The following CERS6 variants were observed in gnomAD, a reference collection of about 807,000 sequenced individuals.
CERS6 encodes LAG1 homolog, ceramide synthase 6.
In CERS6, 26 loss-of-function variants were observed where a neutral mutation model predicts 56.8. The observed-to-expected ratio is 0.46, with a 90% CI of 0.34 to 0.63. The LOEUF (loss-of-function observed/expected upper bound fraction) is 0.63, where lower values mean the gene tolerates loss of function less well. Among genes scored for constraint, CERS6 ranks in the 30% least tolerant of loss-of-function variants. The pLI, the probability that CERS6 is intolerant of heterozygous loss-of-function variation, is 0.01. For synonymous variants in CERS6, 164 were observed against 173.3 expected (o/e 0.95, Z 0.42); for missense variants, 415 against 467.5 (o/e 0.89, Z 1.04).
intron 4 of CERS6, among the ~76,000 whole-genome samples, chr2:168,640,266 G>A (rs568595772): frequency 2.0e-5 from 3 of 152,208 alleles, no homozygotes; most frequent in South Asian, 2.1e-4. Context: ...ACTTAATAAC[G>A]TCTGTTAATC....
intron 7 of CERS6, among the ~76,000 whole-genome samples, chr2:168,716,477 A>G (rs1383679587): frequency 6.6e-6 from 1 of 152,148 alleles, no homozygotes; most frequent in African/African-American, 2.4e-5. Context: ...CCAGAAAAAA[A>G]AATTCAGAAA....
At chr2:168,558,438 G>A (rs950825628) in intron 2 of CERS6, among the ~76,000 whole-genome samples, 3 of 152,092 alleles carry the variant, frequency 2.0e-5, no homozygotes, top group African/African-American at 7.2e-5. Context: ...ATAGTGAAAA[G>A]GAAATATTGC....
At chr2:168,657,847 A>G (rs1415161705) in intron 4 of CERS6, among the ~76,000 whole-genome samples, 1 of 152,166 alleles carries the variant, frequency 6.6e-6, no homozygotes, top group African/African-American at 2.4e-5. Context: ...CAGGCTGAGG[A>G]AGTGGGCTCT....
At chr2:168,554,276 A>G (rs1695636442) in intron 2 of CERS6, among the ~76,000 whole-genome samples, 1 of 152,226 alleles carries the variant, frequency 6.6e-6, no homozygotes, top group African/African-American at 2.4e-5. Context: ...TAATTCATCT[A>G]ATAAAAACTA....
intron 6 of CERS6, among the ~76,000 whole-genome samples, chr2:168,703,853 A>G (rs144202738): frequency 4.6e-5 from 7 of 152,254 alleles, no homozygotes; most frequent in South Asian, 2.1e-4. Flanking sequence ...TCTGAGGTAG[A>G]TATTCCCAAT....
At chr2:168,631,395 A>G (rs561516937) in intron 4 of CERS6, among the ~76,000 whole-genome samples, 18 of 135,580 alleles carry the variant, frequency 1.3e-4, no homozygotes, top group African/African-American at 4.6e-4. Flanking sequence ...TATATATTAT[A>G]TAATATATAT....
chr2:168,689,737 CTAAT>C lies in CERS6; in HGVS notation c.466-1293_466-1290del, dbSNP rs565299602. ...GGGAGCAAAAGGCAAAATCAGGAGC[CTAAT>C]TAAGATCTCGGAAAGAAAATGAATA... On this transcript the variant is annotated intron_variant, in intron 4 of 9. Coordinates refer to ENST00000305747, the MANE Select transcript of CERS6 (RefSeq NM_203463.3). Among the ~76,000 whole-genome samples, 88 of 152,098 alleles carry C rather than the reference CTAAT, an allele frequency of 5.8e-4. 1 individual carries two copies. Among genetic ancestry groups the C allele is most frequent in the African/African-American group, 2.0e-3 (81 of 41,486 alleles).
At chr2:168,558,049 C>T (rs1358371149) in intron 2 of CERS6, among the ~76,000 whole-genome samples, 4 of 152,068 alleles carry the variant, frequency 2.6e-5, no homozygotes, top group Non-Finnish European at 1.5e-5. Context: ...ATGCTTCTCT[C>T]ATAAAAAGGA....
chr2:168,555,722 C>CTGTGTGTGTGTGTGTGTGTGTGTGTGTG (rs58781728), intron 2 of CERS6, among the ~76,000 whole-genome samples: 1 of 140,920 alleles, frequency 7.1e-6, no homozygotes, highest in Non-Finnish European at 1.5e-5. Flanking sequence ...ATAATTGACT[C>CTGTGTGTGTGTGTGTGTGTGTGTGTGTG]TGTGTGTGTG....
At chr2:168,674,015 A>G (rs1394989090) in intron 4 of CERS6, among the ~76,000 whole-genome samples, 2 of 152,184 alleles carry the variant, frequency 1.3e-5, no homozygotes, top group East Asian at 3.9e-4. Context: ...AGAACTGTTA[A>G]TATGTTTGGA....
At chr2:168,505,402 G>GA (rs1287343732) in intron 1 of CERS6, among the ~76,000 whole-genome samples, 4 of 90,368 alleles carry the variant, frequency 4.4e-5, no homozygotes, top group Non-Finnish European at 4.8e-5. Flanking sequence ...AAAAAAAAAA[G>GA]AAAAAAAAAG....
At chr2:168,522,468 TTTAG>T (rs1432620027) in intron 1 of CERS6, among the ~76,000 whole-genome samples, 3 of 152,230 alleles carry the variant, frequency 2.0e-5, no homozygotes, top group Admixed American at 6.5e-5. Context: ...TAAAAAATAA[TTTAG>T]TTAGTAAGCT....
intron 8 of CERS6, among the ~76,000 whole-genome samples, chr2:168,753,480 G>C (rs1684333038): frequency 6.6e-6 from 1 of 152,158 alleles, no homozygotes; most frequent in African/African-American, 2.4e-5. Context: ...AAGGCTTTTT[G>C]TTGTTGTTTA....
chr2:168,766,822 G>T (rs1398312704), intron 9 of CERS6, among the ~76,000 whole-genome samples: 1 of 152,184 alleles, frequency 6.6e-6, no homozygotes, highest in Non-Finnish European at 1.5e-5. Context: ...AGGTCAACAG[G>T]GCTGGCCTGT....
At chr2:168,620,024 C>T (rs1684426335) in intron 3 of CERS6, among the ~76,000 whole-genome samples, 3 of 124,940 alleles carry the variant, frequency 2.4e-5, no homozygotes, top group Non-Finnish European at 5.1e-5. Context: ...TACACACACA[C>T]ACACACACAC....
At chr2:168,707,669 A>AT (rs1686991581) in intron 6 of CERS6, among the ~76,000 whole-genome samples, 1 of 152,198 alleles carries the variant, frequency 6.6e-6, no homozygotes, top group Non-Finnish European at 1.5e-5. Flanking sequence ...TACATACATT[A>AT]TGTGAACTCT....
At chr2:168,585,385 A>G (rs1430666561) in intron 3 of CERS6, among the ~76,000 whole-genome samples, 2 of 152,222 alleles carry the variant, frequency 1.3e-5, no homozygotes, top group East Asian at 1.9e-4. Context: ...CTCATGTTCT[A>G]CGTTCTTCTG....
chr2:168,617,156 A>G (rs1229028770), intron 3 of CERS6, among the ~76,000 whole-genome samples: 1 of 152,200 alleles, frequency 6.6e-6, no homozygotes, highest in East Asian at 1.9e-4. Flanking sequence ...TGAAATCAAG[A>G]CGGAAATTTA....
At chr2:168,664,836 G>A (rs996388896) in intron 4 of CERS6, among the ~76,000 whole-genome samples, 1 of 152,140 alleles carries the variant, frequency 6.6e-6, no homozygotes, top group Non-Finnish European at 1.5e-5. Context: ...GACTTAGAAT[G>A]CCTTAACCGT....
Sources: allele counts gnomAD v4.1 joint callset (sites outside exome capture counted in the v4.1 genomes callset), GRCh38; gene constraint gnomAD v4.1.1; transcripts MANE v1.5; gene names NCBI Gene and HGNC (gene_info 2026-07-23, HGNC 2026-07-21).